The following EYA1 variants were observed in gnomAD, a reference collection of about 807,000 sequenced individuals.
The protein encoded by EYA1 is protein phosphatase EYA1.
EYA1 carries 16 observed loss-of-function variants against 82.0 expected under a neutral mutation model. The observed-to-expected ratio is 0.20, with a 90% CI of 0.13 to 0.30. The LOEUF (loss-of-function observed/expected upper bound fraction) is 0.30. Ranked by LOEUF, EYA1 falls within the 10% of genes least tolerant of loss-of-function variation. The pLI, the probability that EYA1 is intolerant of heterozygous loss-of-function variation, is 1.00. For synonymous variants in EYA1, 261 were observed against 264.4 expected, an observed-to-expected ratio of 0.99 and a Z score of 0.12; for missense variants, 633 against 730.7, an observed-to-expected ratio of 0.87 and a Z score of 1.54.
At chr8:71,411,415 A>G (rs1830581059) in intron 2 of EYA1, among the ~76,000 whole-genome samples, 1 of 61,816 alleles carries the variant, frequency 1.6e-5, no homozygotes, top group Non-Finnish European at 3.0e-5. Flanking sequence ...CTGCACAGCA[A>G]AAGAAACTAC....
rs184566366 is a variant in EYA1, at chr8:71,346,495, A to C, written c.124+8287T>G. 2.2e-4 allele frequency among the ~76,000 whole-genome samples: 31 copies of C among 141,530 alleles called. No homozygotes were observed. In the Admixed American group the frequency reaches 2.4e-3, roughly 11 times the overall value. The allele number at this position is 141,530 out of a possible 152,430, so 92.8% of individuals were successfully genotyped here. A position where few individuals can be genotyped will look rare whatever the true frequency, so the allele number is the denominator to read the frequency against. ...CTCCCTGCAGTTTTCCCCACCTTCA[A>C]AATGTTTACTTCCAATTATTCCTTT... On this transcript the variant is annotated intron_variant, in intron 3 of 17. Coordinates refer to ENST00000340726, the MANE Select transcript of EYA1 (RefSeq NM_000503.6).
At chr8:71,309,026 G>A (rs548396959) in intron 7 of EYA1, among the ~76,000 whole-genome samples, 1 of 152,282 alleles carries the variant, frequency 6.6e-6, no homozygotes, top group South Asian at 2.1e-4. Context: ...AGCTTTCGAA[G>A]GCCAGATGGG....
chr8:71,299,365 C>G (rs1435888416), intron 8 of EYA1, 132 bp from the exon 9 acceptor site: 2 of 875,928 alleles, frequency 2.3e-6, no homozygotes, highest in Admixed American at 2.0e-5. Context: ...TACAAGTACA[C>G]ATTAACTAAA....
At chr8:71,252,927 G>T (rs1427196664) in intron 11 of EYA1, among the ~76,000 whole-genome samples, 4 of 152,006 alleles carry the variant, frequency 2.6e-5, no homozygotes, top group Non-Finnish European at 5.9e-5. Context: ...ACAAATGACT[G>T]GGGGGAATAG....
intron 2 of EYA1, among the ~76,000 whole-genome samples, chr8:71,496,268 A>T (rs1203466063): frequency 6.6e-6 from 1 of 152,194 alleles, no homozygotes; most frequent in Non-Finnish European, 1.5e-5. Context: ...GCATGCTTCC[A>T]TGAGCCTGTA....
At chr8:71,445,195 G>A (rs547195571) in intron 2 of EYA1, among the ~76,000 whole-genome samples, 5 of 151,984 alleles carry the variant, frequency 3.3e-5, no homozygotes, top group Non-Finnish European at 7.4e-5. Flanking sequence ...ATTTACCTTC[G>A]TCATCCATCC....
At chr8:71,519,278 T>C (rs1563697321) in intron 2 of EYA1, among the ~76,000 whole-genome samples, 1 of 152,196 alleles carries the variant, frequency 6.6e-6, no homozygotes, top group Non-Finnish European at 1.5e-5. Flanking sequence ...CAGACAAACA[T>C]GAAATATCTA....
At chr8:71,281,251 GT>G (rs920078632) in intron 9 of EYA1, among the ~76,000 whole-genome samples, 7 of 151,250 alleles carry the variant, frequency 4.6e-5, no homozygotes. Context: ...GTCTGAGAAT[GT>G]TTTTTTCTTG....
At chr8:71,336,281 A>T (rs1824472978) in intron 3 of EYA1, among the ~76,000 whole-genome samples, 1 of 152,244 alleles carries the variant, frequency 6.6e-6, no homozygotes, top group Non-Finnish European at 1.5e-5. Flanking sequence ...CACTGGGGAT[A>T]GAGTGGAAAG....
chr8:71,351,957 C>T (rs1205844047), intron 3 of EYA1, among the ~76,000 whole-genome samples: 1 of 152,114 alleles, frequency 6.6e-6, no homozygotes, highest in East Asian at 1.9e-4. Context: ...GTTCTGTCGA[C>T]CTAATTAATT....
chr8:71,391,538 T>C (rs113726874), intron 2 of EYA1, among the ~76,000 whole-genome samples: 2,066 of 152,306 alleles, frequency 0.014, 38 homozygotes, highest in African/African-American at 0.047. Context: ...GATATTTTGA[T>C]GATTATGTTG....
rs78593461 is a variant in EYA1 at position 71,255,797 on chromosome 8, G to A, written c.1051-11105C>T. On this transcript the variant is annotated intron_variant, in intron 11 of 17. Coordinates refer to ENST00000340726, the MANE Select transcript of EYA1 (RefSeq NM_000503.6). ...AGTGAAAAGGCAGGCCACGGAATGG[G>A]AGAAAATATTTGAAAATCATATATT... 2.4e-4 allele frequency among the ~76,000 whole-genome samples: 37 copies of A among 152,184 alleles called. 1 individual carries two copies. The highest frequency in any genetic ancestry group is 9.7e-4 in the East Asian group (5 of 5,180).
intron 2 of EYA1, among the ~76,000 whole-genome samples, chr8:71,381,112 G>C (rs1828677285): frequency 1.3e-5 from 2 of 152,208 alleles, no homozygotes; most frequent in Non-Finnish European, 2.9e-5. Flanking sequence ...AATCCATAAA[G>C]CAGCTGGCCA....
chr8:71,206,507 C>T (rs1030859221), intron 17 of EYA1, among the ~76,000 whole-genome samples: 9 of 152,228 alleles, frequency 5.9e-5, no homozygotes, highest in Admixed American at 3.3e-4. Flanking sequence ...AAGTGTGAGC[C>T]ACCACTCTCC....
At chr8:71,263,922 T>C (rs1274853269) in intron 11 of EYA1, among the ~76,000 whole-genome samples, 3 of 152,220 alleles carry the variant, frequency 2.0e-5, no homozygotes, top group Non-Finnish European at 4.4e-5. Context: ...ATGAACATTA[T>C]ATAAAATTCA....
intron 12 of EYA1, 120 bp downstream of exon 12, chr8:71,244,483 C>G: frequency 1.6e-6 from 1 of 640,048 alleles, no homozygotes; most frequent in Non-Finnish European, 2.8e-6. Flanking sequence ...TGCCATATTA[C>G]CAACAAACCT....
chr8:71,324,385 T>A (rs1380941099), intron 4 of EYA1, among the ~76,000 whole-genome samples: 1 of 152,168 alleles, frequency 6.6e-6, no homozygotes, highest in Non-Finnish European at 1.5e-5. Flanking sequence ...CAGATTCAAA[T>A]CCCACTTCTT....
chr8:71,538,796 A>G lies in EYA1; in HGVS notation c.-72-2948T>C, dbSNP rs143235321. Among the ~76,000 whole-genome samples the G allele has an allele frequency of 3.0e-4, 45 of 152,268 alleles. 1 individual carries two copies. The East Asian group carries it at 8.5e-3, about 29-fold the overall frequency. On this transcript the variant is annotated intron_variant, in intron 1 of 18. Coordinates refer to the EYA1 transcript ENST00000643681. The stretch of plus-strand genomic sequence containing the variant: ...ACTGATGGAGGATTAGTGGAATGAC[A>G]TTTGTTTGGGGAGATGTGTGGAGTA...
chr8:71,335,268 A>T (rs1477284333), intron 3 of EYA1, among the ~76,000 whole-genome samples: 1 of 152,160 alleles, frequency 6.6e-6, no homozygotes, highest in Non-Finnish European at 1.5e-5. Context: ...TGAAGCGGGA[A>T]AAGATGATGG....
Sources: gnomAD v4.1 joint callset for allele counts (sites outside exome capture counted in the v4.1 genomes callset) on GRCh38, gnomAD v4.1.1 for gene constraint, MANE v1.5 for transcripts, NCBI Gene and HGNC (gene_info 2026-07-23, HGNC 2026-07-21) for gene names.